PROS1: variants seen among roughly 807,000 people sequenced by gnomAD.
PROS1 encodes protein S, also known as vitamin K-dependent protein S.
A neutral mutation model predicts 75.9 loss-of-function variants in PROS1; 29 were observed. That is an observed-to-expected ratio of 0.38 (90% CI 0.28 to 0.52). The LOEUF (loss-of-function observed/expected upper bound fraction) is 0.52, where lower values mean the gene tolerates loss of function less well. Ranked by LOEUF, PROS1 falls within the 20% of genes least tolerant of loss-of-function variation. PROS1 has a pLI of 0.83. For synonymous variants in PROS1, 245 were observed against 280.6 expected, an observed-to-expected ratio of 0.87 and a Z score of 1.27; for missense variants, 680 against 810.3, an observed-to-expected ratio of 0.84 and a Z score of 1.95.
At chr3:93,887,711 T>C (rs1193997262) in intron 10 of PROS1, among the ~76,000 whole-genome samples, 1 of 152,200 alleles carries the variant, frequency 6.6e-6, no homozygotes, top group Admixed American at 6.5e-5. Context: ...TGACCCTGAT[T>C]GCTTCTCTTT....
At chr3:93,898,397 A>T in intron 8 of PROS1, 51 bp downstream of exon 8, 2 of 1,597,626 alleles carry the variant, frequency 1.3e-6, no homozygotes, top group Non-Finnish European at 1.7e-6. Context: ...AGTATCTAGG[A>T]TCTCTCATTT....
At chr3:93,955,612 A>T (rs1391409784) in intron 1 of PROS1, among the ~76,000 whole-genome samples, 1 of 152,020 alleles carries the variant, frequency 6.6e-6, no homozygotes, top group African/African-American at 2.4e-5. Context: ...GCATTAGGAG[A>T]TATGCCTGAT....
intron 12 of PROS1, 60 bp downstream of exon 12, chr3:93,884,664 CTGTT>C (rs2107137147): frequency 6.8e-7 from 1 of 1,477,064 alleles, no homozygotes; most frequent in Admixed American, 1.7e-5. Context: ...TAAATTATTA[CTGTT>C]TGTTAATGAA....
chr3:93,939,089 G>C (rs1709235916), intron 1 of PROS1, among the ~76,000 whole-genome samples: 2 of 152,008 alleles, frequency 1.3e-5, no homozygotes, highest in Non-Finnish European at 2.9e-5. Context: ...ACTCACACCT[G>C]ATCTAAAACC....
intron 1 of PROS1, among the ~76,000 whole-genome samples, chr3:93,965,402 G>A (rs1333023045): frequency 1.3e-5 from 2 of 152,196 alleles, no homozygotes; most frequent in African/African-American, 4.8e-5. Flanking sequence ...CTAAAGGCTT[G>A]CCATTGTTCC....
intron 6 of PROS1, 50 bp from the exon 7 acceptor site, chr3:93,900,979 C>A (rs377521951): frequency 4.8e-5 from 76 of 1,584,436 alleles, no homozygotes; most frequent in Middle Eastern, 1.7e-4. Context: ...TACCAGCAGA[C>A]ACTACCAAAG....
intron 1 of PROS1, among the ~76,000 whole-genome samples, chr3:93,939,061 A>T (rs1011297018): frequency 1.3e-5 from 2 of 152,076 alleles, no homozygotes; most frequent in African/African-American, 4.8e-5. Flanking sequence ...GTGTTCTCAA[A>T]AACTTAAAAT....
chr3:93,904,654 G>A (rs1708647482), intron 6 of PROS1, among the ~76,000 whole-genome samples: 1 of 151,984 alleles, frequency 6.6e-6, no homozygotes, highest in South Asian at 2.1e-4. Context: ...AAAAGTACTG[G>A]AGGAGAGAAC....
intron 1 of PROS1, among the ~76,000 whole-genome samples, chr3:93,933,350 G>A (rs1183507673): frequency 6.6e-6 from 1 of 151,808 alleles, no homozygotes; most frequent in East Asian, 1.9e-4. Flanking sequence ...TGAGGTGGGA[G>A]GATCCCTTAA....
rs1251855464 is a variant in PROS1, at chr3:93,900,860, A to G, written c.671T>C (p.Phe224Ser). 1.2e-6 allele frequency: 2 copies of G among 1,614,052 alleles called. No homozygotes were observed. Among genetic ancestry groups the G allele is most frequent in the Non-Finnish European group, 1.7e-6 (2 of 1,179,990 alleles). ...GTAGCCTTCGGGGCATTCACATTCA[A>G]AATCTCCTGGGATGTTCTTGCACAC... Reference protein sequence around the residue: ...TAVCKNIPGDFECECPEGYRY... With the variant: ...TAVCKNIPGDSECECPEGYRY... Residue 224 changes from phenylalanine (F) to serine (S), a missense_variant, in exon 7 of 15, where the codon TTT becomes TCT. Phe to Ser is a radical substitution (Grantham distance 155). Transcript: ENST00000394236.
Position 93,873,914 on chromosome 3 carries a change from A to C in PROS1, c.*331T>G, listed in dbSNP as rs1227457657. 19 of 254,494 alleles carry C rather than the reference A, an allele frequency of 7.5e-5. No homozygotes were observed. In the South Asian group the frequency reaches 9.6e-4, roughly 13 times the overall value. 15.8% of individuals were successfully genotyped at this position (254,494 alleles called of 1,614,324 possible). The stretch of plus-strand genomic sequence containing the variant: ...AGTTTACTTCCTTGCTTTCTGAAAA[A>C]AACATAGGTATTTAGACACTAGTTC... On this transcript the variant is annotated 3_prime_UTR_variant, in exon 15 of 15. Coordinates refer to ENST00000394236, the MANE Select transcript of PROS1 (RefSeq NM_000313.4).
At chr3:93,962,402 C>T (rs1265608284) in intron 1 of PROS1, among the ~76,000 whole-genome samples, 1 of 152,156 alleles carries the variant, frequency 6.6e-6, no homozygotes, top group African/African-American at 2.4e-5. Flanking sequence ...TCTGACTGAT[C>T]CAGAACCTCT....
intron 3 of PROS1, among the ~76,000 whole-genome samples, chr3:93,913,030 T>C (rs754455192): frequency 6.6e-6 from 1 of 152,200 alleles, no homozygotes; most frequent in Non-Finnish European, 1.5e-5. Context: ...AAAAATCTCA[T>C]CTTGAATTCT....
At position 93,910,573 on chromosome 3, in the gene PROS1, A is replaced by G. The variant is rs755326247; in HGVS notation, c.346+46T>C. 4 of 1,479,294 alleles carry G rather than the reference A, an allele frequency of 2.7e-6. No homozygotes were observed. In the South Asian group the frequency reaches 3.5e-5, roughly 13 times the overall value. 91.6% of individuals were successfully genotyped at this position (1,479,294 alleles called of 1,614,324 possible). A position where few individuals can be genotyped will look rare whatever the true frequency, so the allele number is the denominator to read the frequency against. Reference sequence around the variant, plus strand: ...ATATTACCATGGGTGTACTTTACCTACAGAGTTTTTGTTTTGTTTTTTCAA... The same window carrying G: ...ATATTACCATGGGTGTACTTTACCTGCAGAGTTTTTGTTTTGTTTTTTCAA... On this transcript the variant is annotated intron_variant, in intron 4 of 14. Coordinates refer to ENST00000394236, the MANE Select transcript of PROS1 (RefSeq NM_000313.4).
chr3:93,925,034 TACC>T (rs1708997180), intron 2 of PROS1, among the ~76,000 whole-genome samples: 1 of 152,214 alleles, frequency 6.6e-6, no homozygotes, highest in Non-Finnish European at 1.5e-5. Flanking sequence ...GTACATGTAG[TACC>T]TTACCTATAA....
intron 1 of PROS1, among the ~76,000 whole-genome samples, chr3:93,945,456 C>T (rs1433708577): frequency 6.6e-6 from 1 of 152,146 alleles, no homozygotes; most frequent in African/African-American, 2.4e-5. Flanking sequence ...AAAAAGCTAT[C>T]CACCATGATC....
chr3:93,875,913 AG>A (rs1244138641), intron 14 of PROS1, among the ~76,000 whole-genome samples: 2 of 152,200 alleles, frequency 1.3e-5, no homozygotes, highest in Non-Finnish European at 2.9e-5. Context: ...TTCCATTTAA[AG>A]TGAAATATTG....
chr3:93,951,286 A>C (rs1387612810), intron 1 of PROS1, among the ~76,000 whole-genome samples: 1 of 152,180 alleles, frequency 6.6e-6, no homozygotes, highest in African/African-American at 2.4e-5. Flanking sequence ...TCCAAGAAAC[A>C]TAACTGTCAG....
intron 10 of PROS1, among the ~76,000 whole-genome samples, chr3:93,889,346 T>G (rs1188991247): frequency 1.3e-5 from 2 of 152,224 alleles, no homozygotes; most frequent in African/African-American, 2.4e-5. Flanking sequence ...CTTTACCACC[T>G]AGAATAAGGA....
Sources: gnomAD v4.1 joint callset for allele counts (sites outside exome capture counted in the v4.1 genomes callset) on GRCh38, gnomAD v4.1.1 for gene constraint, MANE v1.5 for transcripts, NCBI Gene and HGNC (gene_info 2026-07-23, HGNC 2026-07-21) for gene names.